The following SSUH2 variants were observed in gnomAD, a reference collection of about 807,000 sequenced individuals.
The protein encoded by SSUH2 is ssu-2 homolog, also known as protein SSUH2 homolog.
Under a neutral mutation model 55.3 loss-of-function variants are expected in SSUH2, and 47 were observed. The ratio of observed to expected loss-of-function variants is 0.85; its 90% CI spans 0.67 to 1.08. The LOEUF (loss-of-function observed/expected upper bound fraction) is 1.08, where lower values mean the gene tolerates loss of function less well. Ranked by LOEUF, SSUH2 falls within the 50% of genes least tolerant of loss-of-function variation. SSUH2 has a pLI of 0.00. For missense variants in SSUH2, 535 were observed against 490.7 expected (o/e 1.09, Z -0.85); for synonymous variants, 212 against 191.5 (o/e 1.11, Z -0.89).
exon 6 of SSUH2, chr3:8,663,794 C>T (rs1375143780): frequency 4.4e-6 from 2 of 456,670 alleles, no homozygotes; most frequent in Admixed American, 4.7e-5. Context: ...ACAGGGGACA[C>T]ACAGGTAACT....
intron 1 of SSUH2, among the ~76,000 whole-genome samples, chr3:8,640,379 C>A (rs571441075): frequency 6.6e-6 from 1 of 152,146 alleles, no homozygotes; most frequent in South Asian, 2.1e-4. Context: ...GACCAGAAAA[C>A]CTGATCATAT....
At chr3:8,655,733 C>A (rs187164775) in intron 7 of SSUH2, among the ~76,000 whole-genome samples, 3 of 152,178 alleles carry the variant, frequency 2.0e-5, no homozygotes, top group African/African-American at 7.2e-5. Context: ...GAGAAAGCAC[C>A]ATTCCTTTGT....
intron 1 of SSUH2, among the ~76,000 whole-genome samples, chr3:8,681,178 CA>C (rs747202910): frequency 8.0e-5 from 11 of 136,768 alleles, no homozygotes; most frequent in Admixed American, 1.5e-4. Flanking sequence ...GGAGTCACCC[CA>C]TGCAAGGCGG....
At chr3:8,646,052 CA>C (rs936514236), upstream of SSUH2, among the ~76,000 whole-genome samples, 1 of 152,158 alleles carries the variant, frequency 6.6e-6, no homozygotes, top group Non-Finnish European at 1.5e-5. Context: ...TCCTGAGGAA[CA>C]AATGTGGTCT....
intron 4 of SSUH2, among the ~76,000 whole-genome samples, chr3:8,633,345 T>C (rs777498877): frequency 3.3e-5 from 5 of 152,064 alleles, no homozygotes; most frequent in African/African-American, 7.2e-5. Context: ...GGTTTCACCA[T>C]GTTAGTCAGG....
At chr3:8,651,643 G>A (rs529775583) in intron 7 of SSUH2, among the ~76,000 whole-genome samples, 4 of 152,260 alleles carry the variant, frequency 2.6e-5, no homozygotes, top group South Asian at 2.1e-4. Flanking sequence ...GTACCAGAGC[G>A]ATAAGTAACA....
At chr3:8,677,561 C>G (rs138212039) in intron 2 of SSUH2, among the ~76,000 whole-genome samples, 1 of 150,716 alleles carries the variant, frequency 6.6e-6, no homozygotes. Flanking sequence ...TGGGGCTACC[C>G]GATCTGACAC....
intron 7 of SSUH2, among the ~76,000 whole-genome samples, chr3:8,629,068 C>G (rs780278212): frequency 4.6e-5 from 7 of 152,126 alleles, no homozygotes; most frequent in Non-Finnish European, 7.4e-5. Flanking sequence ...ACCGTGTTAG[C>G]CCAGATGGTC....
intron 6 of SSUH2, among the ~76,000 whole-genome samples, chr3:8,659,322 C>T (rs1703245353): frequency 6.6e-6 from 1 of 152,166 alleles, no homozygotes; most frequent in African/African-American, 2.4e-5. Context: ...CTTTACTTGT[C>T]TCCTGTCTTC....
chr3:8,631,957 T>G, intron 5 of SSUH2, 92 bp downstream of exon 5: 1 of 997,546 alleles, frequency 1.0e-6, no homozygotes, highest in Non-Finnish European at 1.6e-6. Flanking sequence ...CCATCTTATT[T>G]GAGATGAGTG....
At chr3:8,660,684 C>T (rs960100006) in intron 6 of SSUH2, among the ~76,000 whole-genome samples, 1 of 107,756 alleles carries the variant, frequency 9.3e-6, no homozygotes, top group Admixed American at 9.6e-5. Flanking sequence ...TTTCACAAGG[C>T]CAACAGCTAT....
chr3:8,651,969 C>G (rs1702462091), intron 7 of SSUH2: 1 of 152,576 alleles, frequency 6.6e-6, no homozygotes, highest in African/African-American at 2.4e-5. Context: ...TGGCGACTGC[C>G]TCAGGCAGGC....
At chr3:8,676,563 A>G (rs1397401785) in intron 3 of SSUH2, among the ~76,000 whole-genome samples, 2 of 150,712 alleles carry the variant, frequency 1.3e-5, no homozygotes, top group African/African-American at 2.4e-5. Flanking sequence ...AGTAATATCA[A>G]CCTCTCGGCC....
intron 5 of SSUH2, 99 bp from the exon 6 acceptor site, chr3:8,631,028 C>A: frequency 1.6e-6 from 2 of 1,231,486 alleles, no homozygotes; most frequent in Non-Finnish European, 2.1e-6. Context: ...TGGTGCCAGG[C>A]ATGAGTCTAG....
At chr3:8,674,227 G>T (rs1192823625) in intron 3 of SSUH2, among the ~76,000 whole-genome samples, 5 of 152,246 alleles carry the variant, frequency 3.3e-5, no homozygotes, top group Admixed American at 3.3e-4. Context: ...GGGAAGGGGG[G>T]CCCTGGGAAA....
chr3:8,624,688 A>G (rs573097672), intron 10 of SSUH2, among the ~76,000 whole-genome samples: 2 of 152,214 alleles, frequency 1.3e-5, no homozygotes, highest in African/African-American at 4.8e-5. Flanking sequence ...CTGTCCCACC[A>G]TCAGGAAAGC....
At chr3:8,644,370 A>G (rs1701375107) in intron 1 of SSUH2, among the ~76,000 whole-genome samples, 1 of 152,212 alleles carries the variant, frequency 6.6e-6, no homozygotes, top group African/African-American at 2.4e-5. Context: ...AGAAAAAGGG[A>G]AAAGAATATA....
rs1696024882 is a variant in SSUH2, at chr3:8,619,681, A to C, written c.*187T>G. 1.8e-6 allele frequency: 1 copy of C among 570,712 alleles called. No homozygotes were observed. Among genetic ancestry groups the C allele is most frequent in the South Asian group, 2.5e-5 (1 of 39,730 alleles). 35.4% of individuals were successfully genotyped at this position (570,712 alleles called of 1,614,324 possible). A position where few individuals can be genotyped will look rare whatever the true frequency, so the allele number is the denominator to read the frequency against. ...TTATTGTAGGTTAAACATATGAGTCATGGATTCCACCAGAGGAGCTGTATA... is the reference window on the plus strand; with the variant it reads ...TTATTGTAGGTTAAACATATGAGTCCTGGATTCCACCAGAGGAGCTGTATA... On this transcript the variant is annotated 3_prime_UTR_variant, in exon 12 of 12. Coordinates refer to ENST00000544814, the MANE Select transcript of SSUH2 (RefSeq NM_001256748.3).
intron 1 of SSUH2, among the ~76,000 whole-genome samples, chr3:8,642,644 T>C (rs1469857029): frequency 6.6e-6 from 1 of 152,250 alleles, no homozygotes. Flanking sequence ...CATGCACTTT[T>C]GTCCCAAAAC....
Sources: gnomAD v4.1 joint callset for allele counts (sites outside exome capture counted in the v4.1 genomes callset) on GRCh38, gnomAD v4.1.1 for gene constraint, MANE v1.5 for transcripts, NCBI Gene and HGNC (gene_info 2026-07-23, HGNC 2026-07-21) for gene names.